Variants in BCAR3 observed in about 807,000 individuals in gnomAD.
BCAR3 encodes the protein BCAR3 adaptor protein, NSP family member, also known as breast cancer anti-estrogen resistance protein 3.
In BCAR3, 37 loss-of-function variants were observed where a neutral mutation model predicts 80.1. The observed-to-expected ratio is 0.46, with a 90% CI of 0.36 to 0.61. The LOEUF is 0.61. Ranked by LOEUF, BCAR3 falls within the 20% of genes least tolerant of loss-of-function variation. The pLI, the probability that BCAR3 is intolerant of heterozygous loss-of-function variation, is 0.00. For missense variants in BCAR3, 978 were observed against 1,068.2 expected, an observed-to-expected ratio of 0.92 and a Z score of 1.18; for synonymous variants, 389 against 418.9, an observed-to-expected ratio of 0.93 and a Z score of 0.87.
intron 2 of BCAR3, among the ~76,000 whole-genome samples, chr1:93,711,282 G>A (rs773230329): frequency 3.9e-5 from 6 of 152,162 alleles, no homozygotes; most frequent in Admixed American, 3.3e-4. Flanking sequence ...CTTAATTATC[G>A]CTTCCTTTCC....
chr1:93,593,672 G>C (rs549600623), intron 3 of BCAR3, among the ~76,000 whole-genome samples: 2 of 152,230 alleles, frequency 1.3e-5, no homozygotes, highest in Admixed American at 1.3e-4. Flanking sequence ...ACCATGCCCG[G>C]CCTATTACAC....
chr1:93,742,072 T>C (rs1334468230), intron 2 of BCAR3, among the ~76,000 whole-genome samples: 1 of 152,166 alleles, frequency 6.6e-6, no homozygotes, highest in Non-Finnish European at 1.5e-5. Context: ...GTTGTCTGGG[T>C]CTGGCATCTC....
At chr1:93,685,269 C>A (rs1279136533), upstream of BCAR3, among the ~76,000 whole-genome samples, 1 of 152,078 alleles carries the variant, frequency 6.6e-6, no homozygotes, top group African/African-American at 2.4e-5. Context: ...CCTCTGTCTC[C>A]CATCTGCCCA....
intron 2 of BCAR3, among the ~76,000 whole-genome samples, chr1:93,822,293 T>C (rs1178110902): frequency 1.3e-5 from 2 of 151,442 alleles, no homozygotes; most frequent in Non-Finnish European, 2.9e-5. Context: ...TTCTCCTGCC[T>C]CAGCCTCCCA....
At chr1:93,815,589 C>T (rs1010705098) in intron 2 of BCAR3, among the ~76,000 whole-genome samples, 3 of 152,018 alleles carry the variant, frequency 2.0e-5, no homozygotes, top group South Asian at 2.1e-4. Context: ...CTTCGCAAAG[C>T]GGGGAAGCAG....
chr1:93,766,901 A>G (rs1449494493), intron 2 of BCAR3, among the ~76,000 whole-genome samples: 4 of 152,258 alleles, frequency 2.6e-5, no homozygotes, highest in East Asian at 1.9e-4. Flanking sequence ...ATAAAAATTC[A>G]TAGTACAACA....
intron 3 of BCAR3, among the ~76,000 whole-genome samples, chr1:93,695,730 AG>A (rs1230638784): frequency 6.6e-6 from 1 of 152,138 alleles, no homozygotes; most frequent in African/African-American, 2.4e-5. Flanking sequence ...GCGCTCCCTG[AG>A]GTTGATAATG....
intron 2 of BCAR3, among the ~76,000 whole-genome samples, chr1:93,673,957 T>C (rs986540663): frequency 2.6e-5 from 4 of 152,238 alleles, no homozygotes; most frequent in African/African-American, 9.6e-5. Flanking sequence ...GGAAGCTGGA[T>C]TTTAAAATAT....
At chr1:93,798,612 T>C (rs535254412) in intron 2 of BCAR3, among the ~76,000 whole-genome samples, 1 of 152,342 alleles carries the variant, frequency 6.6e-6, no homozygotes, top group East Asian at 1.9e-4. Context: ...ATTTGATTTT[T>C]GGCCAGTTAG....
chr1:93,705,080 G>T (rs553307422), intron 3 of BCAR3, among the ~76,000 whole-genome samples: 1 of 152,284 alleles, frequency 6.6e-6, no homozygotes, highest in Non-Finnish European at 1.5e-5. Flanking sequence ...TAGACTGGGA[G>T]GTCTGACTTG....
At chr1:93,813,163 A>C (rs1307706257) in intron 2 of BCAR3, among the ~76,000 whole-genome samples, 2 of 151,966 alleles carry the variant, frequency 1.3e-5, no homozygotes, top group African/African-American at 4.8e-5. Flanking sequence ...TTCTGCCTTC[A>C]GCTTGGTCCA....
At chr1:93,566,595 C>A (rs778068782) in intron 11 of BCAR3, among the ~76,000 whole-genome samples, 2 of 152,114 alleles carry the variant, frequency 1.3e-5, no homozygotes, top group East Asian at 3.9e-4. Flanking sequence ...ATGCTAAGAG[C>A]AGGGGAGCTC....
At chr1:93,819,604 C>T (rs1390619337) in intron 2 of BCAR3, among the ~76,000 whole-genome samples, 1 of 152,086 alleles carries the variant, frequency 6.6e-6, no homozygotes, top group Non-Finnish European at 1.5e-5. Context: ...GATTAAAATT[C>T]TAATCCTAAA....
chr1:93,687,779 C>T (rs1649027855), intron 3 of BCAR3, among the ~76,000 whole-genome samples: 1 of 152,220 alleles, frequency 6.6e-6, no homozygotes, highest in Non-Finnish European at 1.5e-5. Flanking sequence ...CCCGTAACAG[C>T]ACTAATTAAC....
chr1:93,778,053 T>C (rs1048974576), intron 2 of BCAR3, among the ~76,000 whole-genome samples: 1 of 152,246 alleles, frequency 6.6e-6, no homozygotes, highest in East Asian at 1.9e-4. Flanking sequence ...CTGAGTCCTG[T>C]TGACATGACC....
intron 2 of BCAR3, among the ~76,000 whole-genome samples, chr1:93,728,628 C>T (rs1020018171): frequency 6.6e-6 from 1 of 152,206 alleles, no homozygotes; most frequent in African/African-American, 2.4e-5. Flanking sequence ...TGCCCGGGCT[C>T]TCCTCCAACT....
At position 93,838,616 on chromosome 1, in the gene BCAR3, T is replaced by A. The variant is rs1654850244; in HGVS notation, c.-63+6951A>T. ...AACTTGATACTAAGTAGCCCTCCCC[T>A]TTCTAGTCATTTATAGTCTGCTACT... On this transcript the variant is annotated intron_variant, in intron 2 of 13. Transcript: ENST00000370244. Among the ~76,000 whole-genome samples the A allele has an allele frequency of 2.0e-5, 3 of 152,332 alleles. No individual in the cohort carries two copies. In the South Asian group the frequency reaches 6.2e-4, roughly 32 times the overall value.
intron 2 of BCAR3, among the ~76,000 whole-genome samples, chr1:93,723,763 A>T (rs1650488546): frequency 6.6e-6 from 1 of 152,106 alleles, no homozygotes; most frequent in Admixed American, 6.6e-5. Flanking sequence ...CAGGCAAAGG[A>T]AAAAGAGGCT....
intron 2 of BCAR3, among the ~76,000 whole-genome samples, chr1:93,799,432 C>T (rs1428577510): frequency 6.6e-6 from 1 of 152,192 alleles, no homozygotes; most frequent in African/African-American, 2.4e-5. Context: ...AATTGGGTAA[C>T]TAACTGTGTC....
Sources: gnomAD v4.1 joint callset for allele counts (sites outside exome capture counted in the v4.1 genomes callset) on GRCh38, gnomAD v4.1.1 for gene constraint, MANE v1.5 for transcripts, NCBI Gene and HGNC (gene_info 2026-07-23, HGNC 2026-07-21) for gene names.